Variants in FAM184A observed in about 807,000 individuals in gnomAD.
The protein encoded by FAM184A is family with sequence similarity 184 member A.
A neutral mutation model predicts 143.8 loss-of-function variants in FAM184A; 99 were observed. The observed-to-expected ratio is 0.69, with a 90% confidence interval of 0.58 to 0.81. The LOEUF is 0.81. FAM184A is among the 40% of genes least tolerant of loss of function. The pLI is 0.00. For synonymous variants in FAM184A, 427 were observed against 446.4 expected, an observed-to-expected ratio of 0.96 and a Z score of 0.55; for missense variants, 1,217 against 1,310.5, an observed-to-expected ratio of 0.93 and a Z score of 1.10.
intron 1 of FAM184A, among the ~76,000 whole-genome samples, chr6:119,105,761 C>G (rs1788760643): frequency 6.6e-6 from 1 of 152,160 alleles, no homozygotes; most frequent in Non-Finnish European, 1.5e-5. Context: ...TCATCTAATA[C>G]AAAGCTGGTC....
At chr6:119,101,269 T>C (rs1788631318) in intron 1 of FAM184A, among the ~76,000 whole-genome samples, 1 of 151,862 alleles carries the variant, frequency 6.6e-6, no homozygotes, top group Non-Finnish European at 1.5e-5. Context: ...ACGGGGTTTC[T>C]CCACGTTGGT....
chr6:119,035,037 G>A (rs888970407), intron 1 of FAM184A, among the ~76,000 whole-genome samples: 1 of 152,112 alleles, frequency 6.6e-6, no homozygotes, highest in Admixed American at 6.6e-5. Flanking sequence ...TTTCCTGAGT[G>A]GAGTTTGTGA....
At chr6:119,019,662 TA>T (rs1443799830) in intron 4 of FAM184A, among the ~76,000 whole-genome samples, 2 of 152,242 alleles carry the variant, frequency 1.3e-5, no homozygotes, top group Admixed American at 6.5e-5. Flanking sequence ...TATATTTCAT[TA>T]ATAGAAAACG....
intron 14 of FAM184A, among the ~76,000 whole-genome samples, chr6:118,967,220 G>T (rs548988608): frequency 6.6e-6 from 1 of 152,306 alleles, no homozygotes; most frequent in East Asian, 1.9e-4. Context: ...AGTATTTGGA[G>T]AAAAGGTGAG....
At chr6:119,119,523 G>A (rs1249008619) in intron 1 of FAM184A, among the ~76,000 whole-genome samples, 1 of 152,080 alleles carries the variant, frequency 6.6e-6, no homozygotes. Flanking sequence ...TCGGGGGCAG[G>A]TTCCCCTGAT....
chr6:119,002,265 T>G (rs1359212490), intron 9 of FAM184A, among the ~76,000 whole-genome samples: 8 of 152,206 alleles, frequency 5.3e-5, no homozygotes, highest in Admixed American at 5.2e-4. Flanking sequence ...GTTAATCCTA[T>G]TTAATGACTT....
chr6:119,002,722 G>A (rs1344996606), intron 9 of FAM184A, among the ~76,000 whole-genome samples, 177 bp downstream of exon 9: 4 of 151,918 alleles, frequency 2.6e-5, no homozygotes, highest in African/African-American at 9.7e-5. Context: ...CAATGATTTA[G>A]CAAAATGTTT....
In FAM184A at chr6:118,962,330, T is replaced by C. The variant is rs149917748; in HGVS notation, c.3139-367A>G. 563 of 186,306 alleles carry C rather than the reference T, an allele frequency of 3.0e-3. 1 individual carries two copies. Among genetic ancestry groups the C allele is most frequent in the Non-Finnish European group, 5.1e-3 (457 of 88,850 alleles). 11.5% of individuals were successfully genotyped at this position (186,306 alleles called of 1,614,324 possible). ...CAAGTCTTGCAGATAGAAGGTTAAA[T>C]GGATTTAGGCTAAAATTAGGAGAAG... On this transcript the variant is annotated intron_variant, in intron 16 of 17. Coordinates refer to ENST00000338891, the MANE Select transcript of FAM184A (RefSeq NM_024581.6).
chr6:119,023,756 A>G (rs761633746), intron 2 of FAM184A, among the ~76,000 whole-genome samples: 43 of 151,584 alleles, frequency 2.8e-4, no homozygotes, highest in Non-Finnish European at 5.2e-4. Flanking sequence ...GTCTGAAATA[A>G]CAACTACAGG....
chr6:119,046,570 A>AG (rs1241672948), intron 1 of FAM184A, among the ~76,000 whole-genome samples: 1 of 151,930 alleles, frequency 6.6e-6, no homozygotes, highest in Admixed American at 6.6e-5. Context: ...CAAATAAAAA[A>AG]AAAAACTATG....
At chr6:119,084,375 G>A (rs1433499137) in intron 1 of FAM184A, among the ~76,000 whole-genome samples, 1 of 152,202 alleles carries the variant, frequency 6.6e-6, no homozygotes, top group Admixed American at 6.5e-5. Flanking sequence ...TTGAAACCCA[G>A]CAAGGCAGTC....
intron 9 of FAM184A, among the ~76,000 whole-genome samples, chr6:118,998,141 T>C (rs1398022138): frequency 1.3e-5 from 2 of 152,182 alleles, no homozygotes; most frequent in African/African-American, 4.8e-5. Flanking sequence ...TCATCTTGAC[T>C]TCCTTGTCTC....
At chr6:118,974,935 G>C (rs1783802740) in intron 13 of FAM184A, 89 bp downstream of exon 13, 1 of 1,037,266 alleles carries the variant, frequency 9.6e-7, no homozygotes, top group East Asian at 2.4e-5. Flanking sequence ...AGCCAGTCTA[G>C]TCACAAAATT....
intron 1 of FAM184A, among the ~76,000 whole-genome samples, chr6:119,101,076 T>TTC (rs1212106821): frequency 6.6e-6 from 1 of 150,996 alleles, no homozygotes; most frequent in African/African-American, 2.4e-5. Context: ...TTTCTTTTTT[T>TTC]TTTTTTGTAG....
chr6:118,993,704 AAAAAG>A (rs1167250547), intron 9 of FAM184A, among the ~76,000 whole-genome samples: 2 of 152,342 alleles, frequency 1.3e-5, no homozygotes, highest in Non-Finnish European at 2.9e-5. Context: ...CTAGATTGCT[AAAAAG>A]AAAACATATT....
intron 11 of FAM184A, among the ~76,000 whole-genome samples, chr6:118,978,985 A>G (rs1562458845): frequency 6.6e-6 from 1 of 152,170 alleles, no homozygotes; most frequent in Admixed American, 6.5e-5. Flanking sequence ...GACTTTTCCC[A>G]TTAAAACAAA....
At chr6:119,130,699 G>A (rs1789512248) in intron 1 of FAM184A, among the ~76,000 whole-genome samples, 1 of 152,066 alleles carries the variant, frequency 6.6e-6, no homozygotes, top group Non-Finnish European at 1.5e-5. Flanking sequence ...ACGTCAAATT[G>A]CCAGAAATCA....
At chr6:118,960,945 T>C (rs1783302894) in intron 17 of FAM184A, 1 of 606,670 alleles carries the variant, frequency 1.6e-6, no homozygotes, top group Non-Finnish European at 2.5e-6. Context: ...TCTGACTAAT[T>C]TTCATTCTTG....
chr6:119,094,232 TG>T (rs1292817572), intron 1 of FAM184A, among the ~76,000 whole-genome samples: 5 of 152,064 alleles, frequency 3.3e-5, no homozygotes, highest in Non-Finnish European at 7.4e-5. Context: ...CCACTGTGCC[TG>T]GCCCGACTGC....
Sources: allele counts gnomAD v4.1 joint callset (sites outside exome capture counted in the v4.1 genomes callset), GRCh38; gene constraint gnomAD v4.1.1; transcripts MANE v1.5; gene names NCBI Gene and HGNC (gene_info 2026-07-23, HGNC 2026-07-21).